The following PNN variants were observed in gnomAD, a reference collection of about 807,000 sequenced individuals.
PNN encodes the protein pinin.
PNN carries 38 observed loss-of-function variants against 76.6 expected under a neutral mutation model. The observed-to-expected ratio is 0.50, with a 90% CI of 0.38 to 0.65. The LOEUF is 0.65. PNN is among the 30% of genes least tolerant of loss of function. The pLI is 0.00. For missense variants in PNN, 873 were observed against 874.1 expected (o/e 1.00, Z 0.02); for synonymous variants, 366 against 283.7 (o/e 1.29, Z -2.91).
At chr14:39,177,173 C>T (rs551785346) in intron 3 of PNN, among the ~76,000 whole-genome samples, 1 of 152,260 alleles carries the variant, frequency 6.6e-6, no homozygotes, top group South Asian at 2.1e-4. Flanking sequence ...TCACTTGAGC[C>T]CAGGAGTTGG....
chr14:39,176,574 A>G lies in PNN; in HGVS notation c.233A>G (p.Asp78Gly), dbSNP rs886445760. 6.2e-7 allele frequency: 1 copy of G among 1,606,906 alleles called. No individual in the cohort carries two copies. The highest frequency in any genetic ancestry group is 8.5e-7 in the Non-Finnish European group (1 of 1,177,208). ...SGGGPPAKQR[D>G]LEGAVSRLGG... ...GGAGGACCCCCAGCCAAACAGAGAG[A>G]CCTTGAAGGGGCAGTCAGTAGGTAG... is the stretch of plus-strand genomic sequence containing the variant. Residue 78 changes from aspartate (D) to glycine (G), a missense_variant, in exon 3 of 9, where the codon GAC becomes GGC. This residue lies in a region of PNN where 156 missense variants were observed against 161.7 expected (regional missense o/e 0.96). Transcript: ENST00000216832.
At position 39,181,351 on chromosome 14, in the gene PNN, G is replaced by C; in HGVS notation, c.1642G>C (p.Val548Leu). The C allele has an allele frequency of 6.2e-7, 1 of 1,614,226 alleles. No homozygotes were observed. Among genetic ancestry groups the C allele is most frequent in the East Asian group, 2.2e-5 (1 of 44,894 alleles). ...GGTACCAGTAGAGCCAGTCTTGACA[G>C]TACATCCAGAGAGCAAGAGCAAAAC... ...TEVPVEPVLT[V>L]HPESKSKTKT... Residue 548 changes from valine (V) to leucine (L), a missense_variant, in exon 9 of 9, where the codon GTA (valine) becomes CTA (leucine). Around this residue, in one of 3 missense-constraint regions of PNN, gnomAD observed 712 missense variants for 693.1 expected, o/e 1.03. Transcript: ENST00000216832.
chr14:39,181,765 G>C lies in PNN; in HGVS notation c.2056G>C (p.Asp686His). 1 of 1,614,084 alleles carries C rather than the reference G, an allele frequency of 6.2e-7. No homozygotes were observed. Among genetic ancestry groups the C allele is most frequent in the Non-Finnish European group, 8.5e-7 (1 of 1,179,988 alleles). Residue 686 changes from aspartate to histidine, a missense_variant, in exon 9 of 9, where the codon GAC becomes CAC. Coordinates refer to ENST00000216832, the MANE Select transcript of PNN (RefSeq NM_002687.4). Reference protein sequence around the residue: ...KGSKDKNSRSDRKRSISESSR... With the variant: ...KGSKDKNSRSHRKRSISESSR... ...ATCAAAGGATAAGAATTCCCGGTCC[G>C]ACAGAAAGAGGTCTATATCAGAGAG... is the stretch of plus-strand genomic sequence containing the variant.
In PNN at chr14:39,175,506, T is replaced by C. The variant is rs1056785027; in HGVS notation, c.113+114T>C. On this transcript the variant is annotated intron_variant, in intron 1 of 8. Transcript: ENST00000216832. ...TTAAGAAGACTGGAACCTCGAGGCC[T>C]GTTCGCGGGGCGGCGGGTAAAACCC... is the stretch of plus-strand genomic sequence containing the variant. 5.7e-6 allele frequency: 4 copies of C among 705,520 alleles called. No individual in the cohort carries two copies. In the Admixed American group the frequency reaches 9.9e-5, roughly 17 times the overall value. 43.7% of individuals were successfully genotyped at this position (705,520 alleles called of 1,614,324 possible).
At chr14:39,177,267 T>C (rs1040177175) in intron 3 of PNN, 145 bp from the exon 4 acceptor site, 15 of 635,930 alleles carry the variant, frequency 2.4e-5, no homozygotes, top group African/African-American at 5.5e-5. Flanking sequence ...ACGCCTGTAG[T>C]CCCAGCTGCT....
In PNN at chr14:39,177,886, TAAAC is replaced by T; in HGVS notation, c.471_474del (p.Gln158AsnfsTer71). ...TGTTGATGGGTACCCTTCAAAAATTTAAACAAGAATCCACTGTTGCTACTGAAAG... is the reference window on the plus strand; with the variant it reads ...TGTTGATGGGTACCCTTCAAAAATTTAAGAATCCACTGTTGCTACTGAAAG... On this transcript the variant is annotated frameshift_variant, in exon 6 of 9. Coordinates refer to ENST00000216832, the MANE Select transcript of PNN (RefSeq NM_002687.4). LOFTEE classifies it high-confidence loss of function. 6.2e-7 allele frequency: 1 copy of T among 1,611,528 alleles called. No homozygotes were observed. Among genetic ancestry groups the T allele is most frequent in the Non-Finnish European group, 8.5e-7 (1 of 1,177,816 alleles).
At chr14:39,175,879 G>A (rs1289650035) in intron 1 of PNN, 199 bp from the exon 2 acceptor site, 11 of 556,478 alleles carry the variant, frequency 2.0e-5, no homozygotes, top group Admixed American at 3.6e-5. Flanking sequence ...TATAATTTCT[G>A]TGACACAGGT....
chr14:39,178,039 G>A (rs2053242578), intron 6 of PNN, 123 bp downstream of exon 6: 2 of 701,212 alleles, frequency 2.9e-6, no homozygotes, highest in Non-Finnish European at 5.0e-6. Flanking sequence ...ACAAAGCCAA[G>A]TAAAAACTTG....
chr14:39,181,196 C>T lies in PNN; in HGVS notation c.1487C>T (p.Ser496Phe). ...TCCCAGTCCCAACCAGTACTCCAGT[C>T]CCAGCCTCCCTCTCAGCCTGAGGAT... ...LQSQSQPVLQ[S>F]QPPSQPEDLS... The change falls in exon 9 of 9, where the codon TCC becomes TTC. Residue 496 changes from serine (S) to phenylalanine (F), a missense_variant. By Grantham distance (155) the Ser-to-Phe change is radical. Transcript: ENST00000216832. 1 of 1,611,948 alleles carries T rather than the reference C, an allele frequency of 6.2e-7. No individual in the cohort carries two copies. The highest frequency in any genetic ancestry group is 8.5e-7 in the Non-Finnish European group (1 of 1,178,024).
At chr14:39,176,933 T>C (rs2053230979) in intron 3 of PNN, among the ~76,000 whole-genome samples, 1 of 152,136 alleles carries the variant, frequency 6.6e-6, no homozygotes. Flanking sequence ...GCAAAATTGG[T>C]TTGGGCGTTA....
chr14:39,175,276 G>A lies in PNN; in HGVS notation c.-4G>A, dbSNP rs2053209966. The A allele has an allele frequency of 3.8e-6, 6 of 1,579,484 alleles. No homozygotes were observed. Among genetic ancestry groups the A allele is most frequent in the Non-Finnish European group, 4.3e-6 (5 of 1,152,474 alleles). On this transcript the variant is annotated 5_prime_UTR_variant, in exon 1 of 9. Coordinates refer to ENST00000216832, the MANE Select transcript of PNN (RefSeq NM_002687.4). ...AGCAGTCTCAAGCCTGCCGCAGGGA[G>A]AAGATGGCGGTCGCCGTGAGAACTT... is the stretch of plus-strand genomic sequence containing the variant.
Position 39,181,259 on chromosome 14 carries a change from C to G in PNN, c.1550C>G (p.Thr517Ser). 6.2e-7 allele frequency: 1 copy of G among 1,614,156 alleles called. No homozygotes were observed. Among genetic ancestry groups the G allele is most frequent in the South Asian group, 1.1e-5 (1 of 91,082 alleles). The change falls in exon 9 of 9, where the codon ACT (threonine) becomes AGT (serine). Residue 517 changes from threonine to serine, a missense_variant. This residue lies in a region of PNN where 712 missense variants were observed against 693.1 expected (regional missense o/e 1.03). Transcript: ENST00000216832. ...GTTTTACAGCCAACACCCCAAGTTACTCAGGAGCAAGGGCATTTACTACCT... is the reference window on the plus strand; with the variant it reads ...GTTTTACAGCCAACACCCCAAGTTAGTCAGGAGCAAGGGCATTTACTACCT... ...LAVLQPTPQVTQEQGHLLPER... is the reference protein window; with the variant it reads ...LAVLQPTPQVSQEQGHLLPER...
Position 39,181,101 on chromosome 14 carries a change from A to C in PNN, c.1392A>C (p.Lys464Asn), listed in dbSNP as rs771134987. ...AGGAGTCTGAGGAAAAAGAAGAAAAAGAATCTGAGCCCCAACCTGAGCCTG... is the reference window on the plus strand; with the variant it reads ...AGGAGTCTGAGGAAAAAGAAGAAAACGAATCTGAGCCCCAACCTGAGCCTG... ...MEKESEEKEEKESEPQPEPVA... is the reference protein window; with the variant it reads ...MEKESEEKEENESEPQPEPVA... The change falls in exon 9 of 9, where the codon AAA becomes AAC. Residue 464 changes from lysine to asparagine, a missense_variant. Physicochemically the swap from Lys to Asn is moderately conservative, Grantham distance 94 (BLOSUM62 0). Around this residue, in one of 3 missense-constraint regions of PNN, gnomAD observed 712 missense variants for 693.1 expected, o/e 1.03. Transcript: ENST00000216832. The C allele has an allele frequency of 1.2e-6, 2 of 1,613,706 alleles. No homozygotes were observed. Among genetic ancestry groups the C allele is most frequent in the Non-Finnish European group, 1.7e-6 (2 of 1,179,724 alleles).
Position 39,181,391 on chromosome 14 carries a change from G to A in PNN, c.1682G>A (p.Arg561Lys). Residue 561 changes from arginine (R) to lysine (K), a missense_variant, in exon 9 of 9, where the codon AGA becomes AAA. Around this residue, in one of 3 missense-constraint regions of PNN, gnomAD observed 712 missense variants for 693.1 expected, o/e 1.03. Transcript: ENST00000216832. The stretch of plus-strand genomic sequence containing the variant: ...AAGAGCAAAACCAAAACTAGGAGCA[G>A]AAGTAGAGGTCGAGCTAGAAATAAA... ...ESKSKTKTRSRSRGRARNKTS... is the reference protein window; with the variant it reads ...ESKSKTKTRSKSRGRARNKTS... The A allele has an allele frequency of 6.2e-7, 1 of 1,614,240 alleles. No individual in the cohort carries two copies. Among genetic ancestry groups the A allele is most frequent in the South Asian group, 1.1e-5 (1 of 91,088 alleles).
Position 39,180,579 on chromosome 14 carries a change from G to A in PNN, c.870G>A (p.Met290Ile), listed in dbSNP as rs746779115. ...AGGCTAGGCCTAGAAGACAATCAAT[G>A]AAGGAAAAAGAGCATCAGGTGGTGC... ...KMEARPRRQS[M>I]KEKEHQVVRN... The change falls in exon 9 of 9, where the codon ATG becomes ATA. Residue 290 changes from methionine to isoleucine, a missense_variant. Transcript: ENST00000216832. 6.2e-7 allele frequency: 1 copy of A among 1,613,974 alleles called. No individual in the cohort carries two copies. The highest frequency in any genetic ancestry group is 8.5e-7 in the Non-Finnish European group (1 of 1,179,972).
At chr14:39,177,513 T>C (rs1265561699) in intron 4 of PNN, 29 bp downstream of exon 4, 1 of 1,594,236 alleles carries the variant, frequency 6.3e-7, no homozygotes, top group Admixed American at 1.7e-5. Flanking sequence ...CTTAAATGAA[T>C]GTAGTACCTT....
At position 39,177,474 on chromosome 14, in the gene PNN, A is replaced by C. The variant is rs1432465260; in HGVS notation, c.317A>C (p.Asp106Ala). The C allele has an allele frequency of 6.2e-7, 1 of 1,613,856 alleles. No individual in the cohort carries two copies. Among genetic ancestry groups the C allele is most frequent in the East Asian group, 2.2e-5 (1 of 44,886 alleles). The change falls in exon 4 of 9, where the codon GAT becomes GCT. Residue 106 changes from aspartate (D) to alanine (A), a missense_variant. By Grantham distance (126) the Asp-to-Ala change is moderately radical. Transcript: ENST00000216832. ...SRQESDPEDD[D>A]VKKPALQSSV... Reference sequence around the variant, plus strand: ...CAGGAAAGCGACCCGGAGGATGATGATGTTAAAAAGGTATTGAGATTGAAA... The same window carrying C: ...CAGGAAAGCGACCCGGAGGATGATGCTGTTAAAAAGGTATTGAGATTGAAA...
rs758138865 is a variant in PNN, at chr14:39,175,271, A to T, written c.-9A>T. ...TGTAAAGCAGTCTCAAGCCTGCCGC[A>T]GGGAGAAGATGGCGGTCGCCGTGAG... On this transcript the variant is annotated 5_prime_UTR_variant, in exon 1 of 9. Coordinates refer to ENST00000216832, the MANE Select transcript of PNN (RefSeq NM_002687.4). 5.8e-6 allele frequency: 9 copies of T among 1,559,124 alleles called. No individual in the cohort carries two copies. The South Asian group carries it at 1.0e-4, about 18-fold the overall frequency.
In PNN at chr14:39,180,761, AAG is replaced by A; in HGVS notation, c.1054_1055del (p.Glu352ThrfsTer13). ...GCGATTGTTCATAGTGATGCAGAGA[AAG>A]AACAGGAGGAGGAAGAACAAAAACA... On this transcript the variant is annotated frameshift_variant, in exon 9 of 9. Transcript: ENST00000216832. LOFTEE classifies it high-confidence loss of function. The A allele has an allele frequency of 6.2e-7, 1 of 1,602,834 alleles. No homozygotes were observed.
Sources: allele counts gnomAD v4.1 joint callset (sites outside exome capture counted in the v4.1 genomes callset), GRCh38; gene constraint gnomAD v4.1.1; regional missense constraint gnomAD v4.1.1; transcripts MANE v1.5; gene names NCBI Gene and HGNC (gene_info 2026-07-23, HGNC 2026-07-21).